EDEM3: variants seen among roughly 807,000 people sequenced by gnomAD.
EDEM3 encodes ER degradation-enhancing alpha-mannosidase-like protein 3.
EDEM3 carries 60 observed loss-of-function variants against 110.2 expected under a neutral mutation model. The observed-to-expected ratio is 0.54, with a 90% CI of 0.44 to 0.67. The LOEUF (loss-of-function observed/expected upper bound fraction) is 0.67. Among genes scored for constraint, EDEM3 ranks in the 30% least tolerant of loss-of-function variants. The pLI, the probability that EDEM3 is intolerant of heterozygous loss-of-function variation, is 0.00. For missense variants in EDEM3, 996 were observed against 1,121.0 expected, an observed-to-expected ratio of 0.89 and a Z score of 1.59; for synonymous variants, 352 against 382.9, an observed-to-expected ratio of 0.92 and a Z score of 0.94.
intron 6 of EDEM3, among the ~76,000 whole-genome samples, chr1:184,728,061 C>T (rs935401991): frequency 2.0e-5 from 3 of 152,120 alleles, no homozygotes; most frequent in Non-Finnish European, 2.9e-5. Context: ...TGGTCAGTTC[C>T]ATTAATTACT....
chr1:184,754,606 G>T lies in EDEM3; in HGVS notation c.41C>A (p.Pro14His), dbSNP rs776255897. The change falls in exon 1 of 20, where the codon CCC becomes CAC. Residue 14 changes from proline (P) to histidine (H), a missense_variant. Pro to His is a moderately conservative substitution (Grantham distance 77, BLOSUM62 -2). Transcript: ENST00000318130. ...CACTAGTCTCCATCGCGCTCGCTGG[G>T]GAACCGGGGACCCACAGCCCCGGCC... ...AGGRGCGSPV[P>H]QRARWRLVAA... 1.9e-6 allele frequency: 3 copies of T among 1,607,892 alleles called. No homozygotes were observed. The highest frequency in any genetic ancestry group is 2.5e-6 in the Non-Finnish European group (3 of 1,177,518).
At chr1:184,721,197 T>C in intron 9 of EDEM3, 92 bp downstream of exon 9, 1 of 996,192 alleles carries the variant, frequency 1.0e-6, no homozygotes, top group African/African-American at 1.7e-5. Flanking sequence ...TTTTAAAAAT[T>C]ATTTTTACAA....
At chr1:184,738,324 A>G (rs1055369680) in intron 2 of EDEM3, among the ~76,000 whole-genome samples, 1 of 152,218 alleles carries the variant, frequency 6.6e-6, no homozygotes, top group African/African-American at 2.4e-5. Flanking sequence ...AAGTTAAGTA[A>G]GCCTAGATCA....
chr1:184,694,238 T>C lies in EDEM3; in HGVS notation c.2624A>G (p.Asn875Ser). ...SNPTENHETT[N>S]LNGECTDLDN... ...TAAATCTGTACATTCACCATTAAGA[T>C]TTGTAGTCTCATGGTTTTCTGTGGG... The change falls in exon 20 of 20, where the codon AAT becomes AGT. Residue 875 changes from asparagine (N) to serine (S), a missense_variant. This residue lies in a region of EDEM3 where 345 missense variants were observed against 402.0 expected (regional missense o/e 0.86). Coordinates refer to ENST00000318130, the MANE Select transcript of EDEM3 (RefSeq NM_025191.4). The C allele has an allele frequency of 6.2e-7, 1 of 1,613,384 alleles. No individual in the cohort carries two copies. The highest frequency in any genetic ancestry group is 1.1e-5 in the South Asian group (1 of 91,052).
chr1:184,712,071 C>T (rs1168523496), intron 14 of EDEM3, among the ~76,000 whole-genome samples, 194 bp from the exon 15 acceptor site: 2 of 151,912 alleles, frequency 1.3e-5, no homozygotes, highest in East Asian at 1.9e-4. Context: ...GGACTACAGG[C>T]GCCCACTACC....
At chr1:184,724,358 C>G (rs546884481) in intron 7 of EDEM3, among the ~76,000 whole-genome samples, 9 of 152,056 alleles carry the variant, frequency 5.9e-5, no homozygotes, top group Non-Finnish European at 1.5e-5. Flanking sequence ...AAATGGTAAG[C>G]AAGTTCATTA....
chr1:184,725,366 G>T (rs1245149263), intron 7 of EDEM3, among the ~76,000 whole-genome samples: 2 of 152,048 alleles, frequency 1.3e-5, no homozygotes, highest in African/African-American at 4.8e-5. Flanking sequence ...ATCAATATCT[G>T]AGAGTGTAGT....
At chr1:184,711,112 T>C (rs1245048255) in intron 15 of EDEM3, among the ~76,000 whole-genome samples, 4 of 152,160 alleles carry the variant, frequency 2.6e-5, no homozygotes, top group Admixed American at 6.5e-5. Context: ...AATTTTTTTT[T>C]TTTGAGATGG....
chr1:184,698,689 G>A lies in EDEM3; in HGVS notation c.2389+4122C>T, dbSNP rs1041692617. 1.1e-4 allele frequency among the ~76,000 whole-genome samples: 16 copies of A among 151,826 alleles called. No homozygotes were observed. In the South Asian group the frequency reaches 3.3e-3, roughly 31 times the overall value. ...TTTGTTACAAGTTTAATTTTATAAAGTTTTTAAAAAGATACCAATAACTAT... is the reference window on the plus strand; with the variant it reads ...TTTGTTACAAGTTTAATTTTATAAAATTTTTAAAAAGATACCAATAACTAT... On this transcript the variant is annotated intron_variant, in intron 19 of 19. Transcript: ENST00000318130.
rs148232633 is a variant in EDEM3 at position 184,702,989 on chromosome 1, A to C, written c.2211T>G (p.Asn737Lys). The C allele has an allele frequency of 6.3e-7, 1 of 1,598,820 alleles. No individual in the cohort carries two copies. The highest frequency in any genetic ancestry group is 1.1e-5 in the South Asian group (1 of 88,298). The change falls in exon 19 of 20, where the codon AAT (asparagine) becomes AAG (lysine). Residue 737 changes from asparagine (N) to lysine (K), a missense_variant. Coordinates refer to ENST00000318130, the MANE Select transcript of EDEM3 (RefSeq NM_025191.4). ...GAIGGIVIDD[N>K]EGSSSDTAPL... ...GGGCAGTATCACTGCTGCTCCCCTCATTGTCATCTAGCCAGAAAATAAATA... is the reference window on the plus strand; with the variant it reads ...GGGCAGTATCACTGCTGCTCCCCTCCTTGTCATCTAGCCAGAAAATAAATA...
At chr1:184,737,157 A>G (rs1448450343) in intron 3 of EDEM3, 93 bp from the exon 4 acceptor site, 5 of 1,091,020 alleles carry the variant, frequency 4.6e-6, no homozygotes, top group Non-Finnish European at 6.9e-6. Context: ...ATTGACTGGT[A>G]GTTTCTATAA....
At chr1:184,726,823 A>G (rs1443709042) in intron 6 of EDEM3, among the ~76,000 whole-genome samples, 1 of 152,260 alleles carries the variant, frequency 6.6e-6, no homozygotes, top group Non-Finnish European at 1.5e-5. Flanking sequence ...TCTATATTAT[A>G]TATTAACTAG....
rs116232065 is a variant in EDEM3, at chr1:184,752,996, A to G, written c.158+1493T>C. Among the ~76,000 whole-genome samples the G allele has an allele frequency of 6.0e-3, 921 of 152,314 alleles. 1 individual carries two copies. The highest frequency in any genetic ancestry group is 8.6e-3 in the Non-Finnish European group (588 of 68,040). The stretch of plus-strand genomic sequence containing the variant: ...AAATTCATATGAGAGAAAATGTAAG[A>G]TATTTATTAGAGTTTACCGGTAATT... On this transcript the variant is annotated intron_variant, in intron 1 of 19. Transcript: ENST00000318130.
intron 12 of EDEM3, 102 bp downstream of exon 12, chr1:184,717,437 AT>A (rs1558052967): frequency 1.2e-6 from 1 of 818,200 alleles, no homozygotes; most frequent in African/African-American, 1.8e-5. Context: ...TCATTATAAT[AT>A]TAAAAGGGGA....
chr1:184,700,903 C>T (rs1443380490), intron 19 of EDEM3, among the ~76,000 whole-genome samples: 1 of 151,854 alleles, frequency 6.6e-6, no homozygotes, highest in East Asian at 1.9e-4. Flanking sequence ...AGCTATTACA[C>T]AAAAAGGGGG....
chr1:184,741,596 C>G (rs1057035965), intron 2 of EDEM3, among the ~76,000 whole-genome samples: 3 of 152,050 alleles, frequency 2.0e-5, no homozygotes, highest in Non-Finnish European at 4.4e-5. Context: ...ACATTCTGGT[C>G]TGGAACCATA....
At chr1:184,719,893 T>G (rs902268603) in intron 9 of EDEM3, among the ~76,000 whole-genome samples, 1 of 152,244 alleles carries the variant, frequency 6.6e-6, no homozygotes, top group African/African-American at 2.4e-5. Context: ...CTGATGCTCA[T>G]AGGTCCCCTT....
intron 7 of EDEM3, among the ~76,000 whole-genome samples, chr1:184,725,948 C>T (rs1188328013): frequency 2.6e-5 from 4 of 151,918 alleles, no homozygotes; most frequent in Non-Finnish European, 4.4e-5. Context: ...CATAGTATTT[C>T]GTAAGACATT....
At chr1:184,725,898 A>T (rs1462349684) in intron 7 of EDEM3, among the ~76,000 whole-genome samples, 1 of 152,152 alleles carries the variant, frequency 6.6e-6, no homozygotes, top group African/African-American at 2.4e-5. Flanking sequence ...CAGAACTTTC[A>T]GAAGTGCAAT....
Sources: allele counts gnomAD v4.1 joint callset (sites outside exome capture counted in the v4.1 genomes callset), GRCh38; gene constraint gnomAD v4.1.1; regional missense constraint gnomAD v4.1.1; transcripts MANE v1.5; gene names NCBI Gene and HGNC (gene_info 2026-07-23, HGNC 2026-07-21).